The following PDGFD variants were observed in gnomAD, a reference collection of about 807,000 sequenced individuals.
PDGFD encodes the protein platelet-derived growth factor D.
In PDGFD, 30 loss-of-function variants were observed where a neutral mutation model predicts 44.7. The observed-to-expected ratio is 0.67, with a 90% CI of 0.50 to 0.91. The LOEUF (loss-of-function observed/expected upper bound fraction) is 0.91, where lower values mean the gene tolerates loss of function less well. Ranked by LOEUF, PDGFD falls within the 40% of genes least tolerant of loss-of-function variation. The pLI, the probability that PDGFD is intolerant of heterozygous loss-of-function variation, is 0.00. For missense variants in PDGFD, 445 were observed against 457.8 expected (o/e 0.97, Z 0.25); for synonymous variants, 173 against 168.4 (o/e 1.03, Z -0.21).
intron 1 of PDGFD, among the ~76,000 whole-genome samples, chr11:104,067,440 G>A (rs2073827648): frequency 6.6e-6 from 1 of 152,102 alleles, no homozygotes; most frequent in Admixed American, 6.5e-5. Context: ...TATTAAGAAA[G>A]AAGGAAAGTT....
intron 1 of PDGFD, among the ~76,000 whole-genome samples, chr11:104,004,568 T>C (rs116439493): frequency 8.2e-4 from 125 of 152,288 alleles, no homozygotes; most frequent in African/African-American, 3.0e-3. Context: ...GGGATGACTA[T>C]ATTCGTTTTC....
intron 3 of PDGFD, among the ~76,000 whole-genome samples, chr11:103,994,421 G>A (rs1820546275): frequency 6.6e-6 from 1 of 152,160 alleles, no homozygotes; most frequent in Non-Finnish European, 1.5e-5. Flanking sequence ...AGAACTGCAT[G>A]AGTTTGCAAT....
intron 1 of PDGFD, among the ~76,000 whole-genome samples, chr11:104,089,457 T>C (rs537943952): frequency 6.6e-6 from 1 of 152,032 alleles, no homozygotes; most frequent in African/African-American, 2.4e-5. Context: ...TACACTGTTG[T>C]TTTTTTTCAT....
chr11:103,920,910 G>T (rs184877093), intron 6 of PDGFD, among the ~76,000 whole-genome samples: 1 of 152,272 alleles, frequency 6.6e-6, no homozygotes, highest in East Asian at 1.9e-4. Flanking sequence ...ATTTCATTAA[G>T]ATTTTGGGGG....
chr11:104,029,131 C>T (rs182498636), intron 1 of PDGFD, among the ~76,000 whole-genome samples: 133 of 152,234 alleles, frequency 8.7e-4, no homozygotes, highest in African/African-American at 2.8e-3. Context: ...CATGGGAGTG[C>T]CACATCTTTC....
intron 1 of PDGFD, among the ~76,000 whole-genome samples, chr11:104,106,884 C>T (rs1182812410): frequency 6.6e-6 from 1 of 151,930 alleles, no homozygotes; most frequent in Non-Finnish European, 1.5e-5. Context: ...GCTGGGACTA[C>T]AGGTGTGTGC....
chr11:104,090,911 G>A (rs761067342), intron 1 of PDGFD, among the ~76,000 whole-genome samples: 9 of 151,984 alleles, frequency 5.9e-5, no homozygotes, highest in East Asian at 1.9e-4. Context: ...CAGTAGTCAC[G>A]GTGCCTGTGA....
At chr11:104,094,034 G>C (rs1861248267) in intron 1 of PDGFD, among the ~76,000 whole-genome samples, 2 of 151,366 alleles carry the variant, frequency 1.3e-5, no homozygotes, top group South Asian at 4.2e-4. Flanking sequence ...CTCTACTCTT[G>C]CTTCAGCCTC....
intron 4 of PDGFD, among the ~76,000 whole-genome samples, chr11:103,944,216 T>C (rs1034063842): frequency 6.6e-6 from 1 of 152,200 alleles, no homozygotes; most frequent in Non-Finnish European, 1.5e-5. Flanking sequence ...AGCCATGAAA[T>C]TGGCTCTCTT....
intron 1 of PDGFD, among the ~76,000 whole-genome samples, chr11:104,078,312 C>T (rs1160477767): frequency 6.6e-6 from 1 of 152,184 alleles, no homozygotes; most frequent in Non-Finnish European, 1.5e-5. Context: ...GAGTGCTTCC[C>T]TACTGTTTTT....
At chr11:104,152,727 C>T (rs1862262980) in intron 1 of PDGFD, among the ~76,000 whole-genome samples, 1 of 151,928 alleles carries the variant, frequency 6.6e-6, no homozygotes, top group African/African-American at 2.4e-5. Context: ...TGATAATTCT[C>T]CAAAATTAAC....
intron 1 of PDGFD, among the ~76,000 whole-genome samples, chr11:104,118,860 A>C (rs1216870883): frequency 3.0e-5 from 1 of 33,230 alleles, no homozygotes; most frequent in African/African-American, 1.2e-4. Context: ...ATATTATAAT[A>C]TATTATATAT....
At chr11:104,010,613 C>T (rs1859769805) in intron 1 of PDGFD, among the ~76,000 whole-genome samples, 1 of 151,996 alleles carries the variant, frequency 6.6e-6, no homozygotes, top group Non-Finnish European at 1.5e-5. Context: ...TCTGAAATGA[C>T]TTTTGGTCTA....
intron 1 of PDGFD, among the ~76,000 whole-genome samples, chr11:104,090,950 A>T (rs1861204057): frequency 6.6e-6 from 1 of 152,010 alleles, no homozygotes; most frequent in Admixed American, 6.6e-5. Flanking sequence ...TCTAAAACAG[A>T]TGTAGCAACT....
intron 3 of PDGFD, among the ~76,000 whole-genome samples, chr11:103,956,672 C>G (rs1373707894): frequency 1.3e-5 from 2 of 151,936 alleles, no homozygotes; most frequent in African/African-American, 4.8e-5. Context: ...GTTTACATTC[C>G]CACCAACAGT....
intron 3 of PDGFD, among the ~76,000 whole-genome samples, chr11:103,962,063 A>G (rs1041275602): frequency 6.6e-6 from 1 of 152,308 alleles, no homozygotes; most frequent in Non-Finnish European, 1.5e-5. Context: ...AACAAGAAAC[A>G]ACAGATAGCT....
intron 6 of PDGFD, among the ~76,000 whole-genome samples, chr11:103,913,691 C>T (rs1274274669): frequency 6.6e-6 from 1 of 152,050 alleles, no homozygotes; most frequent in African/African-American, 2.4e-5. Context: ...AAAAGCCCTT[C>T]AAATAAATCA....
At chr11:104,019,180 G>A (rs1859911989) in intron 1 of PDGFD, among the ~76,000 whole-genome samples, 1 of 152,178 alleles carries the variant, frequency 6.6e-6, no homozygotes, top group Non-Finnish European at 1.5e-5. Flanking sequence ...CAAACAATGA[G>A]CTTTGAAAGG....
intron 1 of PDGFD, among the ~76,000 whole-genome samples, chr11:104,162,635 CT>C (rs1261790143): frequency 6.6e-6 from 1 of 152,104 alleles, no homozygotes; most frequent in African/African-American, 2.4e-5. Flanking sequence ...CCATAGTCTA[CT>C]CATCATCAGA....
Sources: gnomAD v4.1 joint callset for allele counts (sites outside exome capture counted in the v4.1 genomes callset) on GRCh38, gnomAD v4.1.1 for gene constraint, MANE v1.5 for transcripts, NCBI Gene and HGNC (gene_info 2026-07-23, HGNC 2026-07-21) for gene names.